UBE2E2: variants seen among roughly 807,000 people sequenced by gnomAD.
The protein encoded by UBE2E2 is ubiquitin conjugating enzyme E2 E2.
Under a neutral mutation model 24.7 loss-of-function variants are expected in UBE2E2, and 6 were observed. The observed-to-expected ratio is 0.24, with a 90% CI of 0.13 to 0.48. The LOEUF is 0.48. Among genes scored for constraint, UBE2E2 ranks in the 20% least tolerant of loss-of-function variants. The probability of loss-of-function intolerance (pLI) is 0.99; values close to 1 mark genes in which losing one functional copy is unlikely to be tolerated. For missense variants in UBE2E2, 169 were observed against 245.0 expected (o/e 0.69, Z 2.07); for synonymous variants, 104 against 83.6 (o/e 1.24, Z -1.33).
intron 3 of UBE2E2, among the ~76,000 whole-genome samples, chr3:23,415,346 C>A (rs1217420902): frequency 6.6e-6 from 1 of 152,132 alleles, no homozygotes; most frequent in South Asian, 2.1e-4. Context: ...GAGATACATC[C>A]TATGTCTGTA....
At chr3:23,411,453 C>T (rs778370209) in intron 3 of UBE2E2, among the ~76,000 whole-genome samples, 8 of 152,144 alleles carry the variant, frequency 5.3e-5, no homozygotes, top group Non-Finnish European at 8.8e-5. Context: ...AAATGAAACT[C>T]CACTCCTCTT....
At chr3:23,473,797 C>T (rs1341828820) in intron 3 of UBE2E2, among the ~76,000 whole-genome samples, 12 of 152,070 alleles carry the variant, frequency 7.9e-5, no homozygotes, top group South Asian at 2.1e-4. Flanking sequence ...TCTTTATCCA[C>T]GCATTGATTG....
At chr3:23,361,111 A>G (rs757143218) in intron 3 of UBE2E2, among the ~76,000 whole-genome samples, 20 of 152,226 alleles carry the variant, frequency 1.3e-4, no homozygotes, top group Non-Finnish European at 2.5e-4. Context: ...GAAAACGCAA[A>G]TTAAAACCAC....
chr3:23,231,137 A>G (rs1472999607), intron 3 of UBE2E2, among the ~76,000 whole-genome samples: 1 of 152,176 alleles, frequency 6.6e-6, no homozygotes, highest in East Asian at 1.9e-4. Context: ...TATATTTCCC[A>G]GATTCTGGAC....
At chr3:23,528,428 G>T (rs1381419872) in intron 4 of UBE2E2, among the ~76,000 whole-genome samples, 1 of 152,168 alleles carries the variant, frequency 6.6e-6, no homozygotes, top group African/African-American at 2.4e-5. Context: ...CTGAAAAGAT[G>T]AGGCAGGGCG....
intron 3 of UBE2E2, among the ~76,000 whole-genome samples, chr3:23,307,024 A>G (rs1444786093): frequency 6.6e-6 from 1 of 152,192 alleles, no homozygotes; most frequent in African/African-American, 2.4e-5. Flanking sequence ...TATAGACTTT[A>G]TAATACAAAA....
chr3:23,322,978 G>A (rs1280264271), intron 3 of UBE2E2, among the ~76,000 whole-genome samples: 5 of 151,732 alleles, frequency 3.3e-5, no homozygotes, highest in Non-Finnish European at 7.4e-5. Flanking sequence ...ACGTGGTTCA[G>A]TAAAACATAA....
At chr3:23,397,563 A>G (rs1461322679) in intron 3 of UBE2E2, among the ~76,000 whole-genome samples, 3 of 152,040 alleles carry the variant, frequency 2.0e-5, no homozygotes, top group East Asian at 1.9e-4. Context: ...ATAGGTAACC[A>G]CTGTTTGTTA....
At chr3:23,238,868 A>T (rs772810589) in intron 3 of UBE2E2, among the ~76,000 whole-genome samples, 1 of 152,082 alleles carries the variant, frequency 6.6e-6, no homozygotes, top group Non-Finnish European at 1.5e-5. Flanking sequence ...TTGTGGCATC[A>T]TGTCAGTGCT....
chr3:23,518,472 G>A (rs1694791713), intron 4 of UBE2E2, among the ~76,000 whole-genome samples: 1 of 152,228 alleles, frequency 6.6e-6, no homozygotes, highest in African/African-American at 2.4e-5. Flanking sequence ...AAAGAGGTAT[G>A]TTTGTGATAG....
At chr3:23,518,572 T>C (rs1312802167) in intron 4 of UBE2E2, among the ~76,000 whole-genome samples, 2 of 152,228 alleles carry the variant, frequency 1.3e-5, no homozygotes, top group Non-Finnish European at 2.9e-5. Flanking sequence ...TGCCTTGACC[T>C]GAAGAGTCAG....
At chr3:23,386,122 T>C (rs982006445) in intron 3 of UBE2E2, among the ~76,000 whole-genome samples, 27 of 152,126 alleles carry the variant, frequency 1.8e-4, no homozygotes, top group Non-Finnish European at 7.4e-5. Flanking sequence ...AATTGTAGAA[T>C]GTCTTAGCCT....
chr3:23,457,647 C>G (rs1698709406), intron 3 of UBE2E2, among the ~76,000 whole-genome samples: 1 of 152,184 alleles, frequency 6.6e-6, no homozygotes, highest in African/African-American at 2.4e-5. Flanking sequence ...TCTCAGGTAA[C>G]TTGGACTACA....
At chr3:23,208,908 G>T in intron 2 of UBE2E2, 33 bp downstream of exon 2, 2 of 1,547,674 alleles carry the variant, frequency 1.3e-6, no homozygotes, top group Non-Finnish European at 1.7e-6. Context: ...TTTATTGTTG[G>T]TATCAATTTA....
chr3:23,365,088 A>G (rs1360478797), intron 3 of UBE2E2, among the ~76,000 whole-genome samples: 1 of 152,222 alleles, frequency 6.6e-6, no homozygotes, highest in Admixed American at 6.5e-5. Context: ...TCATGTTAAG[A>G]ACCCTCAACA....
chr3:23,424,049 T>C lies in UBE2E2; in HGVS notation c.228-75559T>C, dbSNP rs535246664. On this transcript the variant is annotated intron_variant, in intron 3 of 5. Coordinates refer to ENST00000396703, the MANE Select transcript of UBE2E2 (RefSeq NM_152653.4). ...GAGTGCTGAGAGTGAGTGGATACTT[T>C]TAAGGTTTTCTCTTCAAGCTTTTGT... is the stretch of plus-strand genomic sequence containing the variant. Among the ~76,000 whole-genome samples, 4 of 152,310 alleles carry C rather than the reference T, an allele frequency of 2.6e-5. No individual in the cohort carries two copies. The South Asian group carries it at 8.3e-4, about 32-fold the overall frequency.
At chr3:23,542,728 A>G (rs1287370432) in intron 5 of UBE2E2, among the ~76,000 whole-genome samples, 1 of 152,150 alleles carries the variant, frequency 6.6e-6, no homozygotes, top group Admixed American at 6.5e-5. Flanking sequence ...TCTTTTCAAG[A>G]TAAGTATTTA....
intron 3 of UBE2E2, among the ~76,000 whole-genome samples, chr3:23,270,624 T>G (rs1698215255): frequency 6.6e-6 from 1 of 152,200 alleles, no homozygotes; most frequent in Non-Finnish European, 1.5e-5. Context: ...AGGTACCAAC[T>G]GAGTGTTTCG....
At chr3:23,355,618 TTTTG>T (rs370225621) in intron 3 of UBE2E2, among the ~76,000 whole-genome samples, 5 of 152,328 alleles carry the variant, frequency 3.3e-5, no homozygotes, top group South Asian at 4.1e-4. Flanking sequence ...AGTTACTTTT[TTTTG>T]TTTGTTTGTT....
Sources: gnomAD v4.1 joint callset for allele counts (sites outside exome capture counted in the v4.1 genomes callset) on GRCh38, gnomAD v4.1.1 for gene constraint, MANE v1.5 for transcripts, NCBI Gene and HGNC (gene_info 2026-07-23, HGNC 2026-07-21) for gene names.